Variants in PTPRJ observed in about 807,000 individuals in gnomAD.
PTPRJ encodes protein tyrosine phosphatase receptor type J, also known as receptor-type tyrosine-protein phosphatase eta.
PTPRJ carries 129 observed loss-of-function variants against 141.3 expected under a neutral mutation model. That is an observed-to-expected ratio of 0.91 (90% CI 0.79 to 1.06). The LOEUF (loss-of-function observed/expected upper bound fraction) is 1.06. Ranked by LOEUF, PTPRJ falls within the 50% of genes least tolerant of loss-of-function variation. The probability of loss-of-function intolerance (pLI) is 0.00; values close to 1 mark genes in which losing one functional copy is unlikely to be tolerated. For missense variants in PTPRJ, 1,601 were observed against 1,679.7 expected, an observed-to-expected ratio of 0.95 and a Z score of 0.82; for synonymous variants, 610 against 640.5, an observed-to-expected ratio of 0.95 and a Z score of 0.72.
rs1471429633 is a variant in PTPRJ at position 48,121,044 on chromosome 11, C to T, written c.394C>T (p.Pro132Ser). ...TGACATTAAAGCTGTTTCCATCAGT[C>T]CAACCAATGTGATCTTAACTTGGAA... Reference protein sequence around the residue: ...VFDIKAVSISPTNVILTWKSN... With the variant: ...VFDIKAVSISSTNVILTWKSN... Residue 132 changes from proline to serine, a missense_variant, in exon 4 of 25, where the codon CCA becomes TCA. Coordinates refer to ENST00000418331, the MANE Select transcript of PTPRJ (RefSeq NM_002843.4). 1.2e-6 allele frequency: 2 copies of T among 1,611,532 alleles called. No homozygotes were observed. The highest frequency in any genetic ancestry group is 1.7e-6 in the Non-Finnish European group (2 of 1,178,700).
chr11:48,116,325 A>G (rs1015864494), intron 3 of PTPRJ, among the ~76,000 whole-genome samples: 1 of 152,268 alleles, frequency 6.6e-6, no homozygotes, highest in African/African-American at 2.4e-5. Context: ...AATGGAGACA[A>G]CAAACATCAT....
chr11:48,154,102 G>C (rs1857547803), intron 19 of PTPRJ, among the ~76,000 whole-genome samples: 1 of 152,200 alleles, frequency 6.6e-6, no homozygotes, highest in Non-Finnish European at 1.5e-5. Flanking sequence ...TATGAAGTAG[G>C]TAGTAGAATA....
In PTPRJ at chr11:47,980,595, A is replaced by T; in HGVS notation, c.-318A>T. 1.0e-6 allele frequency: 1 copy of T among 982,830 alleles called. No individual in the cohort carries two copies. The highest frequency in any genetic ancestry group is 1.2e-6 in the Non-Finnish European group (1 of 829,122). 60.9% of individuals were successfully genotyped at this position (982,830 alleles called of 1,614,324 possible). ...CATGACGCGCGGAGGAGGCAGCGGG[A>T]GCAGCCGCGGGAGCCGGGACCGGGT... On this transcript the variant is annotated 5_prime_UTR_variant, in exon 1 of 25. Transcript: ENST00000418331.
intron 1 of PTPRJ, among the ~76,000 whole-genome samples, chr11:48,093,602 A>G (rs1329349984): frequency 6.6e-6 from 1 of 152,200 alleles, no homozygotes; most frequent in Non-Finnish European, 1.5e-5. Flanking sequence ...AATGAAGGAA[A>G]TGTAACAAGC....
rs142556904 is a variant in PTPRJ at position 48,126,574 on chromosome 11, C to A, written c.1094-1206C>A. ...CCCTCTTCCTCTTCCAGGTTGCAGA[C>A]TCCCTGGGTCTTCACGTGGTTGAAG... On this transcript the variant is annotated intron_variant, in intron 6 of 24. Coordinates refer to ENST00000418331, the MANE Select transcript of PTPRJ (RefSeq NM_002843.4). Among the ~76,000 whole-genome samples the A allele has an allele frequency of 3.5e-3, 531 of 152,154 alleles. 1 individual carries two copies. Among genetic ancestry groups the A allele is most frequent in the African/African-American group, 0.012 (491 of 41,500 alleles).
intron 1 of PTPRJ, among the ~76,000 whole-genome samples, chr11:48,021,700 A>G (rs1193924425): frequency 6.6e-6 from 1 of 152,188 alleles, no homozygotes; most frequent in Non-Finnish European, 1.5e-5. Flanking sequence ...AAGAAATCTG[A>G]CAAAGATGCT....
intron 1 of PTPRJ, among the ~76,000 whole-genome samples, chr11:48,039,978 G>T (rs1438284004): frequency 1.3e-5 from 2 of 152,116 alleles, no homozygotes; most frequent in Non-Finnish European, 2.9e-5. Context: ...TATTAGAGAC[G>T]TGGTTTCACC....
At position 47,980,616 on chromosome 11, in the gene PTPRJ, C is replaced by T; in HGVS notation, c.-297C>T. ...CGGGAGCAGCCGCGGGAGCCGGGACCGGGTAGCCGCGCGCTGGGGGTGGGC... is the reference window on the plus strand; with the variant it reads ...CGGGAGCAGCCGCGGGAGCCGGGACTGGGTAGCCGCGCGCTGGGGGTGGGC... On this transcript the variant is annotated 5_prime_UTR_variant, in exon 1 of 25. Coordinates refer to ENST00000418331, the MANE Select transcript of PTPRJ (RefSeq NM_002843.4). 1.0e-6 allele frequency: 1 copy of T among 983,406 alleles called. No homozygotes were observed. The allele number at this position is 983,406 out of a possible 1,614,324, so 60.9% of individuals were successfully genotyped here. A position where few individuals can be genotyped will look rare whatever the true frequency, so the allele number is the denominator to read the frequency against.
chr11:48,127,825 C>T lies in PTPRJ; in HGVS notation c.1139C>T (p.Thr380Ile). Reference protein sequence around the residue: ...FDVTAVNISATSLTLIWKVSD... With the variant: ...FDVTAVNISAISLTLIWKVSD... ...GTCACCGCTGTGAACATCAGTGCCA[C>T]AAGCCTGACCCTGATCTGGAAAGTC... Residue 380 changes from threonine to isoleucine, a missense_variant, in exon 7 of 25, where the codon ACA becomes ATA. Physicochemically the swap from Thr to Ile is moderately conservative, Grantham distance 89. Coordinates refer to ENST00000418331, the MANE Select transcript of PTPRJ (RefSeq NM_002843.4). 1.2e-6 allele frequency: 2 copies of T among 1,614,176 alleles called. No individual in the cohort carries two copies. The highest frequency in any genetic ancestry group is 1.7e-6 in the Non-Finnish European group (2 of 1,179,998).
intron 1 of PTPRJ, among the ~76,000 whole-genome samples, chr11:48,051,640 C>A (rs996782680): frequency 1.3e-5 from 2 of 152,214 alleles, no homozygotes; most frequent in African/African-American, 4.8e-5. Context: ...GACCTCAGGG[C>A]ATTGCATAAC....
chr11:48,067,532 GA>G (rs1565286211), intron 1 of PTPRJ, among the ~76,000 whole-genome samples: 1 of 152,180 alleles, frequency 6.6e-6, no homozygotes, highest in African/African-American at 2.4e-5. Context: ...TGAAAGAGAA[GA>G]GAGTCTTATC....
chr11:48,087,983 G>A (rs1054789740), intron 1 of PTPRJ, among the ~76,000 whole-genome samples: 3 of 152,214 alleles, frequency 2.0e-5, no homozygotes, highest in Non-Finnish European at 2.9e-5. Context: ...TGTTGCTTGC[G>A]TTGGTTTCTC....
chr11:47,999,704 A>T (rs1854438024), intron 1 of PTPRJ, among the ~76,000 whole-genome samples: 1 of 152,076 alleles, frequency 6.6e-6, no homozygotes. Context: ...AACCACTGAG[A>T]CCAAAACTCT....
chr11:48,112,894 A>C lies in PTPRJ; in HGVS notation c.263A>C (p.Glu88Ala). The C allele has an allele frequency of 6.2e-7, 1 of 1,614,190 alleles. No individual in the cohort carries two copies. The highest frequency in any genetic ancestry group is 8.5e-7 in the Non-Finnish European group (1 of 1,180,018). ...QVETNTSEDG[E>A]SSGANDSLRT... ...GAAACAAACACCAGTGAGGATGGTG[A>C]AAGCTCTGGAGCCAACGATAGTTTA... The change falls in exon 3 of 25, where the codon GAA (glutamate) becomes GCA (alanine). Residue 88 changes from glutamate to alanine, a missense_variant. Physicochemically the swap from Glu to Ala is moderately radical, Grantham distance 107. Coordinates refer to ENST00000418331, the MANE Select transcript of PTPRJ (RefSeq NM_002843.4).
intron 1 of PTPRJ, among the ~76,000 whole-genome samples, chr11:47,993,649 A>C (rs1449312460): frequency 3.3e-5 from 5 of 152,074 alleles, no homozygotes; most frequent in Admixed American, 1.3e-4. Flanking sequence ...TGAGGCTCTA[A>C]GAGGGAGGTC....
intron 1 of PTPRJ, among the ~76,000 whole-genome samples, chr11:48,097,897 A>C (rs180876648): frequency 2.2e-4 from 33 of 152,174 alleles, no homozygotes; most frequent in African/African-American, 7.5e-4. Context: ...AAGCAACCCA[A>C]GACTAGGGGG....
chr11:48,004,717 G>C (rs144520698), intron 1 of PTPRJ, among the ~76,000 whole-genome samples: 1 of 152,196 alleles, frequency 6.6e-6, no homozygotes, highest in Non-Finnish European at 1.5e-5. Flanking sequence ...CAAATGCAGG[G>C]TGTTTGCGGC....
Position 48,075,485 on chromosome 11 carries a change from C to T in PTPRJ, c.97-34573C>T, listed in dbSNP as rs530757971. Among the ~76,000 whole-genome samples, 10 of 152,232 alleles carry T rather than the reference C, an allele frequency of 6.6e-5. No homozygotes were observed. The South Asian group carries it at 8.3e-4, about 13-fold the overall frequency. On this transcript the variant is annotated intron_variant, in intron 1 of 24. Transcript: ENST00000418331. The stretch of plus-strand genomic sequence containing the variant: ...TCACCCAGGCTGGAGTGCAGTGGTG[C>T]AGTCATAGCTCACTGCAGCTTGGAA...
At chr11:48,148,336 A>G (rs1208024431) in intron 15 of PTPRJ, among the ~76,000 whole-genome samples, 1 of 152,262 alleles carries the variant, frequency 6.6e-6, no homozygotes, top group Non-Finnish European at 1.5e-5. Context: ...TGATGTGACC[A>G]AACTCACACA....
Sources: gnomAD v4.1 joint callset for allele counts (sites outside exome capture counted in the v4.1 genomes callset) on GRCh38, gnomAD v4.1.1 for gene constraint, MANE v1.5 for transcripts, NCBI Gene and HGNC (gene_info 2026-07-23, HGNC 2026-07-21) for gene names.